The following ADGRB3 variants were observed in gnomAD, a reference collection of about 807,000 sequenced individuals.
ADGRB3 encodes brain-specific angiogenesis inhibitor 3.
ADGRB3 carries 37 observed loss-of-function variants against 193.4 expected under a neutral mutation model. The observed-to-expected ratio is 0.19, with a 90% CI of 0.15 to 0.25. The LOEUF (loss-of-function observed/expected upper bound fraction) is 0.25, where lower values mean the gene tolerates loss of function less well. ADGRB3 is among the 10% of genes least tolerant of loss of function. The probability of loss-of-function intolerance (pLI) is 1.00; values close to 1 mark genes in which losing one functional copy is unlikely to be tolerated. For synonymous variants in ADGRB3, 690 were observed against 644.2 expected, an observed-to-expected ratio of 1.07 and a Z score of -1.08; for missense variants, 1,637 against 1,852.9, an observed-to-expected ratio of 0.88 and a Z score of 2.14.
At chr6:69,187,860 C>T (rs1765102880) in intron 17 of ADGRB3, among the ~76,000 whole-genome samples, 1 of 152,146 alleles carries the variant, frequency 6.6e-6, no homozygotes, top group Non-Finnish European at 1.5e-5. Context: ...ATTGTCTGGT[C>T]ACCAAGTCCT....
chr6:68,847,009 C>T lies in ADGRB3; in HGVS notation c.758-83550C>T, dbSNP rs958468585. 4.5e-4 allele frequency among the ~76,000 whole-genome samples: 69 copies of T among 152,314 alleles called. 3 individuals are homozygous for T. The highest frequency in any genetic ancestry group is 4.1e-3 in the Admixed American group (62 of 15,294). ...TGGAGCTGCCCAAGACCATGGGAAC[C>T]CACCTCTTGCATCAGCATGACCTGG... On this transcript the variant is annotated intron_variant, in intron 3 of 31. Coordinates refer to ENST00000370598, the MANE Select transcript of ADGRB3 (RefSeq NM_001704.3).
intron 10 of ADGRB3, among the ~76,000 whole-genome samples, chr6:68,976,609 A>C (rs967770986): frequency 1.8e-4 from 27 of 152,206 alleles, no homozygotes; most frequent in African/African-American, 6.5e-4. Flanking sequence ...TATATTTTGT[A>C]CTGTATTTTT....
chr6:69,358,106 T>A (rs529938172), intron 28 of ADGRB3, among the ~76,000 whole-genome samples: 1 of 152,092 alleles, frequency 6.6e-6, no homozygotes, highest in African/African-American at 2.4e-5. Context: ...ACAGTTCTCC[T>A]TGACAGAGAA....
chr6:68,859,553 G>T (rs1765092875), intron 3 of ADGRB3, among the ~76,000 whole-genome samples: 1 of 152,194 alleles, frequency 6.6e-6, no homozygotes, highest in Non-Finnish European at 1.5e-5. Flanking sequence ...TCACAATTAT[G>T]GCTAAAGACA....
At chr6:68,700,845 T>A (rs1192815317) in intron 3 of ADGRB3, among the ~76,000 whole-genome samples, 1 of 138,714 alleles carries the variant, frequency 7.2e-6, no homozygotes, top group Non-Finnish European at 1.6e-5. Flanking sequence ...GGGGGAGGGA[T>A]AGCATTAGGA....
In ADGRB3 at chr6:69,325,015, T is replaced by G; in HGVS notation, c.2958T>G (p.Leu986=). 6.2e-7 allele frequency: 1 copy of G among 1,613,608 alleles called. No homozygotes were observed. The highest frequency in any genetic ancestry group is 8.5e-7 in the Non-Finnish European group (1 of 1,179,704). ...TTATAAGAAAACGCTTTTTGTGCCT[T>G]GGATGGGGTAAGCATATTGATATAC... The part of the protein sequence containing the change: ...TRLIRKRFLC[L]GWGLPALVVA... Residue 986 remains leucine, a synonymous_variant, in exon 21 of 32, where the codon CTT becomes CTG. Coordinates refer to ENST00000370598, the MANE Select transcript of ADGRB3 (RefSeq NM_001704.3).
chr6:68,752,830 T>G (rs1766226763), intron 3 of ADGRB3, among the ~76,000 whole-genome samples: 1 of 152,176 alleles, frequency 6.6e-6, no homozygotes, highest in African/African-American at 2.4e-5. Context: ...AATGTTGGTA[T>G]ACACTTGTGA....
intron 20 of ADGRB3, among the ~76,000 whole-genome samples, chr6:69,302,911 C>G (rs956975997): frequency 2.6e-5 from 4 of 151,816 alleles, no homozygotes; most frequent in Admixed American, 2.0e-4. Flanking sequence ...TGTGGCAAAA[C>G]AGGTGGAGAG....
At chr6:68,791,603 A>C (rs1325151669) in intron 3 of ADGRB3, among the ~76,000 whole-genome samples, 1 of 152,170 alleles carries the variant, frequency 6.6e-6, no homozygotes, top group Non-Finnish European at 1.5e-5. Flanking sequence ...GTGTAATTTT[A>C]ACTTTCAATG....
Position 68,638,777 on chromosome 6 carries a change from G to A in ADGRB3, c.102G>A (p.Val34=). The change falls in exon 3 of 32, where the codon GTG becomes GTA. Residue 34 remains valine (V), a synonymous_variant. Coordinates refer to ENST00000370598, the MANE Select transcript of ADGRB3 (RefSeq NM_001704.3). ...AAGACTTCTGGTGTTCAACTTTGGT[G>A]AAGGGAGTCATTTATGGATCGTATT... ...AAQDFWCSTL[V]KGVIYGSYSV... is the part of the protein sequence containing the mutation. 6.2e-7 allele frequency: 1 copy of A among 1,614,174 alleles called. No homozygotes were observed. The highest frequency in any genetic ancestry group is 1.1e-5 in the South Asian group (1 of 91,084).
intron 8 of ADGRB3, among the ~76,000 whole-genome samples, chr6:68,960,550 TA>T (rs1768203462): frequency 1.3e-5 from 2 of 152,168 alleles, no homozygotes; most frequent in Admixed American, 6.5e-5. Flanking sequence ...GACGGTTCCT[TA>T]TTTGTATAAG....
intron 3 of ADGRB3, among the ~76,000 whole-genome samples, chr6:68,737,322 G>C (rs534336028): frequency 5.3e-5 from 8 of 152,014 alleles, no homozygotes; most frequent in African/African-American, 1.9e-4. Flanking sequence ...TTCTTTTTTT[G>C]CATTTATTTA....
chr6:69,369,279 A>G (rs989648734), intron 29 of ADGRB3, among the ~76,000 whole-genome samples: 6 of 152,162 alleles, frequency 3.9e-5, no homozygotes, highest in African/African-American at 1.2e-4. Flanking sequence ...ATAAACTTCA[A>G]TACTTTGAAA....
intron 20 of ADGRB3, among the ~76,000 whole-genome samples, chr6:69,280,724 C>A (rs1016858662): frequency 1.3e-5 from 2 of 152,068 alleles, no homozygotes; most frequent in Admixed American, 1.3e-4. Flanking sequence ...AAAACCTCAG[C>A]ACAATGCCTG....
At chr6:68,865,918 C>A (rs985872810) in intron 3 of ADGRB3, among the ~76,000 whole-genome samples, 6 of 152,078 alleles carry the variant, frequency 3.9e-5, no homozygotes, top group African/African-American at 1.4e-4. Flanking sequence ...TGCGTCTTAC[C>A]AGTAACAAAA....
At chr6:68,982,871 A>G (rs1020224850) in intron 10 of ADGRB3, among the ~76,000 whole-genome samples, 16 of 152,134 alleles carry the variant, frequency 1.1e-4, no homozygotes, top group Admixed American at 1.0e-3. Flanking sequence ...TTGACCCTCA[A>G]TTCTTACCCA....
rs150420002 is a variant in ADGRB3 at position 69,166,437 on chromosome 6, G to A, written c.2481-66853G>A. 4.2e-3 allele frequency among the ~76,000 whole-genome samples: 633 copies of A among 152,180 alleles called. 2 individuals are homozygous for A. The highest frequency in any genetic ancestry group is 6.9e-3 in the Non-Finnish European group (467 of 67,984). ...TGCTTTCAAGAATCATCAGTCTCTAGAAGATTGATTCAATTTAAATAAATT... is the reference window on the plus strand; with the variant it reads ...TGCTTTCAAGAATCATCAGTCTCTAAAAGATTGATTCAATTTAAATAAATT... On this transcript the variant is annotated intron_variant, in intron 17 of 31. Transcript: ENST00000370598.
At chr6:69,195,050 A>G (rs576383351) in intron 17 of ADGRB3, among the ~76,000 whole-genome samples, 3 of 152,300 alleles carry the variant, frequency 2.0e-5, no homozygotes, top group South Asian at 4.1e-4. Context: ...ATTTATGTCC[A>G]GTGGTAGAAG....
At chr6:68,779,217 A>G (rs899050454) in intron 3 of ADGRB3, among the ~76,000 whole-genome samples, 3 of 136,844 alleles carry the variant, frequency 2.2e-5, no homozygotes, top group Admixed American at 7.9e-5. Context: ...TGTATTGTAT[A>G]TATGTATATA....
Sources: allele counts gnomAD v4.1 joint callset (sites outside exome capture counted in the v4.1 genomes callset), GRCh38; gene constraint gnomAD v4.1.1; transcripts MANE v1.5; gene names NCBI Gene and HGNC (gene_info 2026-07-23, HGNC 2026-07-21).